FGFBP2: variants seen among roughly 807,000 people sequenced by gnomAD.
FGFBP2 encodes fibroblast growth factor-binding protein 2.
FGFBP2 carries 7 observed loss-of-function variants against 7.3 expected under a neutral mutation model. The ratio of observed to expected loss-of-function variants is 0.96; its 90% CI spans 0.55 to 1.81. The LOEUF (loss-of-function observed/expected upper bound fraction) is 1.81. Among genes scored for constraint, FGFBP2 ranks in the 40% most tolerant of loss-of-function variants. FGFBP2 has a pLI of 0.00. For synonymous variants in FGFBP2, 131 were observed against 110.2 expected, an observed-to-expected ratio of 1.19 and a Z score of -1.18; for missense variants, 291 against 280.1, an observed-to-expected ratio of 1.04 and a Z score of -0.28.
Position 15,963,019 on chromosome 4 carries a change from A to C in FGFBP2, c.111T>G (p.Thr37=). 6.2e-7 allele frequency: 1 copy of C among 1,614,132 alleles called. No homozygotes were observed. Among genetic ancestry groups the C allele is most frequent in the South Asian group, 1.1e-5 (1 of 91,084 alleles). Residue 37 remains threonine, a synonymous_variant, in exon 1 of 2, where the codon ACT becomes ACG. Coordinates refer to ENST00000259989, the MANE Select transcript of FGFBP2 (RefSeq NM_031950.4). ...GCATAGTGCAGGAATCTCTCCCTCC[A>C]GTCTGGAAATGGAATTCCTCCCCAG... ...GSTGEEFHFQ[T]GGRDSCTMRP... is the part of the protein sequence containing the mutation.
chr4:15,962,234 C>T (rs1713103709), intron 1 of FGFBP2, among the ~76,000 whole-genome samples: 1 of 152,068 alleles, frequency 6.6e-6, no homozygotes, highest in Admixed American at 6.6e-5. Context: ...GATTCCTATG[C>T]AACTCCAGGG....
At position 15,962,612 on chromosome 4, in the gene FGFBP2, C is replaced by A. The variant is rs1464639161; in HGVS notation, c.518G>T (p.Gly173Val). The A allele has an allele frequency of 6.2e-7, 1 of 1,614,188 alleles. No individual in the cohort carries two copies. The highest frequency in any genetic ancestry group is 1.7e-5 in the Admixed American group (1 of 60,024). ...QLGKDSMEEL[G>V]KAKPTTRPTA... ...GGGTCGGGTGGTGGGTTTGGCTTTT[C>A]CCAGCTCTTCCATCGAGTCCTTTCC... Residue 173 changes from glycine (G) to valine (V), a missense_variant, in exon 1 of 2, where the codon GGA becomes GTA. By Grantham distance (109) the Gly-to-Val change is moderately radical (BLOSUM62 -3). Transcript: ENST00000259989.
chr4:15,962,185 G>C (rs768415426), intron 1 of FGFBP2, among the ~76,000 whole-genome samples: 1 of 152,166 alleles, frequency 6.6e-6, no homozygotes, highest in Non-Finnish European at 1.5e-5. Flanking sequence ...GGTCTGGCGA[G>C]GGGCCTGGGC....
intron 1 of FGFBP2, among the ~76,000 whole-genome samples, chr4:15,962,029 C>T (rs923899560): frequency 4.6e-5 from 7 of 152,160 alleles, no homozygotes; most frequent in African/African-American, 9.7e-5. Flanking sequence ...AAACGTTACC[C>T]GGCAGAATTC....
At position 15,962,878 on chromosome 4, in the gene FGFBP2, G is replaced by A. The variant is rs2286459; in HGVS notation, c.252C>T (p.Phe84=). ...YRGQPSMCQA[F]AADPKPYWNQ... ...TCCAGTAAGGTTTGGGGTCAGCAGC[G>A]AAAGCCTGGCACATGCTGGGCTGCC... The change falls in exon 1 of 2, where the codon TTC becomes TTT. Residue 84 remains phenylalanine (F), a synonymous_variant. Coordinates refer to ENST00000259989, the MANE Select transcript of FGFBP2 (RefSeq NM_031950.4). 0.53 allele frequency: 831,763 copies of A among 1,558,254 alleles called. 225,688 individuals are homozygous for A. Among genetic ancestry groups the A allele is most frequent in the South Asian group, 0.7 (59,706 of 85,580 alleles).
intron 1 of FGFBP2, among the ~76,000 whole-genome samples, chr4:15,961,673 G>A (rs1261152958): frequency 2.0e-5 from 3 of 152,190 alleles, no homozygotes; most frequent in Non-Finnish European, 4.4e-5. Flanking sequence ...TTACTGGTGT[G>A]CAAAATTAAT....
intron 1 of FGFBP2, 105 bp downstream of exon 1, chr4:15,962,333 G>A: frequency 9.9e-7 from 1 of 1,006,672 alleles, no homozygotes. Context: ...CTGAGACTCT[G>A]ATGTGGTCGC....
At position 15,962,807 on chromosome 4, in the gene FGFBP2, C is replaced by T. The variant is rs1313756368; in HGVS notation, c.323G>A (p.Gly108Glu). Reference sequence around the variant, plus strand: ...CACGGATGGCCTAAGCACCGGGGCCCCCTGGCACGCATGGTGAAGGCGCCT... The same window carrying T: ...CACGGATGGCCTAAGCACCGGGGCCTCCTGGCACGCATGGTGAAGGCGCCT... Reference protein sequence around the residue: ...ELRRLHHACQGAPVLRPSVCR... With the variant: ...ELRRLHHACQEAPVLRPSVCR... The change falls in exon 1 of 2, where the codon GGG (glycine) becomes GAG (glutamate). Residue 108 changes from glycine (G) to glutamate (E), a missense_variant. Transcript: ENST00000259989. 1 of 1,575,480 alleles carries T rather than the reference C, an allele frequency of 6.3e-7. No homozygotes were observed. The highest frequency in any genetic ancestry group is 1.4e-5 in the African/African-American group (1 of 74,068).
At chr4:15,961,938 C>T (rs1000592455) in intron 1 of FGFBP2, among the ~76,000 whole-genome samples, 10 of 152,160 alleles carry the variant, frequency 6.6e-5, no homozygotes, top group African/African-American at 2.4e-4. Context: ...AAACTGAGAA[C>T]AAGACGGGGT....
Position 15,960,617 on chromosome 4 carries a change from A to T in FGFBP2, c.*21-6T>A, listed in dbSNP as rs980888387. 2.6e-5 allele frequency: 4 copies of T among 151,808 alleles called. No homozygotes were observed. The highest frequency in any genetic ancestry group is 9.7e-5 in the African/African-American group (4 of 41,380). 9.4% of individuals were successfully genotyped at this position (151,808 alleles called of 1,614,324 possible). On this transcript the variant is annotated splice_polypyrimidine_tract_variant and splice_region_variant and intron_variant, in intron 1 of 1. Transcript: ENST00000259989. ...CTGTCAGGGAGAGGTCAGATCTAAA[A>T]AAAAAAAAAAAGAAAAAAAAAGGAA...
At chr4:15,961,967 T>C (rs961607127) in intron 1 of FGFBP2, among the ~76,000 whole-genome samples, 1 of 152,098 alleles carries the variant, frequency 6.6e-6, no homozygotes, top group Non-Finnish European at 1.5e-5. Context: ...ACCTCCACCA[T>C]GACATAGCAC....
rs1713138277 is a variant in FGFBP2, at chr4:15,963,162, G to A, written c.-33C>T. 8 of 1,551,310 alleles carry A rather than the reference G, an allele frequency of 5.2e-6. No homozygotes were observed. Among genetic ancestry groups the A allele is most frequent in the South Asian group, 1.2e-5 (1 of 81,556 alleles). The stretch of plus-strand genomic sequence containing the variant: ...CTCCGATAAACTTGCTTGCAACTCT[G>A]CACCAGGAGAGAGAACACAAGTGGG... On this transcript the variant is annotated 5_prime_UTR_variant, in exon 1 of 2. Transcript: ENST00000259989.
intron 1 of FGFBP2, among the ~76,000 whole-genome samples, chr4:15,961,204 C>T: frequency 6.6e-6 from 1 of 151,860 alleles, no homozygotes; most frequent in East Asian, 1.9e-4. Flanking sequence ...CATTGTTTAT[C>T]TCTGTGTGGT....
Position 15,963,091 on chromosome 4 carries a change from G to A in FGFBP2, c.39C>T (p.Ser13=). The part of the protein sequence containing the change: ...FVPCLLLVTL[S]CLGTLGQAPR... ...GGGCCTGACCCAAAGTCCCCAGGCA[G>A]GACAAGGTCACCAGCAGGAGGCAGG... Residue 13 remains serine, a synonymous_variant, in exon 1 of 2, where the codon TCC becomes TCT. Coordinates refer to ENST00000259989, the MANE Select transcript of FGFBP2 (RefSeq NM_031950.4). 2 of 1,609,288 alleles carry A rather than the reference G, an allele frequency of 1.2e-6. No individual in the cohort carries two copies. Among genetic ancestry groups the A allele is most frequent in the Non-Finnish European group, 1.7e-6 (2 of 1,176,926 alleles).
In FGFBP2 at chr4:15,962,498, T is replaced by A. The variant is rs765048066; in HGVS notation, c.632A>T (p.Gln211Leu). ...KAWEHCWKPF[Q>L]ALCAFLISFF... ...GCTGATGAGAAAGGCGCACAGGGCC[T>A]GGAAGGGTTTCCAACAATGTTCCCA... Residue 211 changes from glutamine to leucine, a missense_variant, in exon 1 of 2, where the codon CAG (glutamine) becomes CTG (leucine). By Grantham distance (113) the Gln-to-Leu change is moderately radical. Coordinates refer to ENST00000259989, the MANE Select transcript of FGFBP2 (RefSeq NM_031950.4). 15 of 1,596,776 alleles carry A rather than the reference T, an allele frequency of 9.4e-6. No individual in the cohort carries two copies. The highest frequency in any genetic ancestry group is 1.3e-5 in the Non-Finnish European group (15 of 1,169,492).
chr4:15,961,226 T>A lies in FGFBP2; in HGVS notation c.*21-615A>T, dbSNP rs117256873. ...TATCTCTGTGTGGTGGGATTATGGA[T>A]GAAGTTTTAAAATTCTTTGTATTTT... On this transcript the variant is annotated intron_variant, in intron 1 of 1. Coordinates refer to ENST00000259989, the MANE Select transcript of FGFBP2 (RefSeq NM_031950.4). 2.9e-3 allele frequency among the ~76,000 whole-genome samples: 438 copies of A among 152,338 alleles called. 11 individuals carry two copies. In the East Asian group the frequency reaches 0.059, roughly 20 times the overall value.
In FGFBP2 at chr4:15,963,003, A is replaced by C; in HGVS notation, c.127T>G (p.Cys43Gly). The change falls in exon 1 of 2, where the codon TGC (cysteine) becomes GGC (glycine). Residue 43 changes from cysteine to glycine, a missense_variant. Transcript: ENST00000259989. ...FHFQTGGRDS[C>G]TMRPSSLGQG... Reference sequence around the variant, plus strand: ...CCCAAGCTGCTGGGACGCATAGTGCAGGAATCTCTCCCTCCAGTCTGGAAA... The same window carrying C: ...CCCAAGCTGCTGGGACGCATAGTGCCGGAATCTCTCCCTCCAGTCTGGAAA... 3.7e-6 allele frequency: 6 copies of C among 1,614,122 alleles called. No homozygotes were observed. The highest frequency in any genetic ancestry group is 5.1e-6 in the Non-Finnish European group (6 of 1,180,026).
At position 15,962,364 on chromosome 4, in the gene FGFBP2, G is replaced by T. The variant is rs575425785; in HGVS notation, c.*20+74C>A. The T allele has an allele frequency of 1.0e-5, 13 of 1,282,232 alleles. No individual in the cohort carries two copies. The African/African-American group carries it at 1.8e-4, about 18-fold the overall frequency. The allele number at this position is 1,282,232 out of a possible 1,614,324, so 79.4% of individuals were successfully genotyped here. A position where few individuals can be genotyped will look rare whatever the true frequency, so the allele number is the denominator to read the frequency against. ...GTCGCAGCAGCTGTGAAAGTGCTAA[G>T]TGCCTCTCACGTAGTCTCTGTATAT... is the stretch of plus-strand genomic sequence containing the variant. On this transcript the variant is annotated intron_variant, in intron 1 of 1. Coordinates refer to ENST00000259989, the MANE Select transcript of FGFBP2 (RefSeq NM_031950.4).
At chr4:15,961,365 G>C (rs1378602277) in intron 1 of FGFBP2, among the ~76,000 whole-genome samples, 2 of 151,134 alleles carry the variant, frequency 1.3e-5, no homozygotes, top group African/African-American at 2.4e-5. Flanking sequence ...ACTTTTTTTG[G>C]CTTAAGTGTC....
Sources: gnomAD v4.1 joint callset for allele counts (sites outside exome capture counted in the v4.1 genomes callset) on GRCh38, gnomAD v4.1.1 for gene constraint, MANE v1.5 for transcripts, NCBI Gene and HGNC (gene_info 2026-07-23, HGNC 2026-07-21) for gene names.